LARP1: variants seen among roughly 807,000 people sequenced by gnomAD.
LARP1 encodes La ribonucleoprotein 1, translational regulator.
In LARP1, 36 loss-of-function variants were observed where a neutral mutation model predicts 122.7. The observed-to-expected ratio is 0.29, with a 90% confidence interval of 0.22 to 0.39. LARP1 has a LOEUF of 0.39. LARP1 is among the 10% of genes least tolerant of loss of function. The pLI, the probability that LARP1 is intolerant of heterozygous loss-of-function variation, is 1.00. For synonymous variants in LARP1, 539 were observed against 528.7 expected, an observed-to-expected ratio of 1.02 and a Z score of -0.27; for missense variants, 1,040 against 1,403.6, an observed-to-expected ratio of 0.74 and a Z score of 4.14.
intron 1 of LARP1, among the ~76,000 whole-genome samples, chr5:154,722,836 A>G (rs1755964009): frequency 6.6e-6 from 1 of 152,124 alleles, no homozygotes; most frequent in Non-Finnish European, 1.5e-5. Flanking sequence ...GCGTACCACC[A>G]TGCCCAGCTA....
Sources: gnomAD v4.1 joint callset for allele counts (sites outside exome capture counted in the v4.1 genomes callset) on GRCh38, gnomAD v4.1.1 for gene constraint, MANE v1.5 for transcripts, NCBI Gene and HGNC (gene_info 2026-07-23, HGNC 2026-07-21) for gene names.